The following CHST9 variants were observed in gnomAD, a reference collection of about 807,000 sequenced individuals.
CHST9 encodes carbohydrate sulfotransferase 9.
Under a neutral mutation model 44.4 loss-of-function variants are expected in CHST9, and 41 were observed. The observed-to-expected ratio is 0.92, with a 90% CI of 0.72 to 1.20. The LOEUF (loss-of-function observed/expected upper bound fraction) is 1.20, where lower values mean the gene tolerates loss of function less well. CHST9 is among the 50% of genes most tolerant of loss of function. The pLI is 0.00. For synonymous variants in CHST9, 171 were observed against 178.4 expected, an observed-to-expected ratio of 0.96 and a Z score of 0.33; for missense variants, 504 against 516.5, an observed-to-expected ratio of 0.98 and a Z score of 0.23.
At chr18:27,070,807 C>G (rs889269539) in intron 2 of CHST9, among the ~76,000 whole-genome samples, 1 of 152,226 alleles carries the variant, frequency 6.6e-6, no homozygotes, top group Non-Finnish European at 1.5e-5. Context: ...TATTCACACC[C>G]TTATCCTACT....
chr18:27,174,356 G>C (rs952848595), intron 1 of CHST9, among the ~76,000 whole-genome samples: 2 of 151,756 alleles, frequency 1.3e-5, no homozygotes, highest in African/African-American at 4.8e-5. Flanking sequence ...TTGTTTCCTC[G>C]TGATTAGACT....
chr18:27,084,756 G>C (rs1247739041), intron 2 of CHST9, among the ~76,000 whole-genome samples: 1 of 151,784 alleles, frequency 6.6e-6, no homozygotes, highest in Admixed American at 6.6e-5. Context: ...TTGTTAATTT[G>C]AGACCTTTCT....
chr18:26,988,644 A>C (rs996876680), intron 4 of CHST9, among the ~76,000 whole-genome samples: 6 of 152,178 alleles, frequency 3.9e-5, no homozygotes, highest in Non-Finnish European at 8.8e-5. Context: ...GAATAGACAG[A>C]TACTCATCAA....
At chr18:27,166,324 C>T (rs9965371) in intron 1 of CHST9, among the ~76,000 whole-genome samples, 133,031 of 152,234 alleles carry the variant, frequency 0.87, 58,341 homozygotes, top group Middle Eastern at 0.95. Flanking sequence ...TAGCTGTTGA[C>T]CACCTCGTTA....
chr18:27,152,787 G>A (rs73406636), intron 1 of CHST9, among the ~76,000 whole-genome samples: 2,620 of 152,080 alleles, frequency 0.017, 63 homozygotes, highest in African/African-American at 0.058. Flanking sequence ...GGAGTCCTGG[G>A]ATTTTTCTGC....
At chr18:26,985,342 T>G (rs547062648) in intron 4 of CHST9, among the ~76,000 whole-genome samples, 14 of 152,220 alleles carry the variant, frequency 9.2e-5, no homozygotes, top group Non-Finnish European at 2.1e-4. Flanking sequence ...CCAAATTTAT[T>G]CTCTTGCCAA....
At position 27,173,228 on chromosome 18, in the gene CHST9, T is replaced by C. The variant is rs183489054; in HGVS notation, c.-97+11908A>G. ...TTTGATAATTGTATACCTGTGTTAT[T>C]AGGCTGTAAGTATCTGCTTCTAATA... On this transcript the variant is annotated intron_variant, in intron 1 of 5. Transcript: ENST00000618847. Among the ~76,000 whole-genome samples the C allele has an allele frequency of 1.5e-3, 224 of 152,232 alleles. 1 individual carries two copies. The highest frequency in any genetic ancestry group is 5.1e-3 in the African/African-American group (211 of 41,568).
intron 5 of CHST9, chr18:26,936,563 A>T (rs1335531635): frequency 6.6e-6 from 1 of 152,138 alleles, no homozygotes; most frequent in Non-Finnish European, 1.5e-5. Flanking sequence ...GGCTCTACTA[A>T]ATTGTGCTTT....
At chr18:26,956,602 T>G (rs1189787206) in intron 4 of CHST9, among the ~76,000 whole-genome samples, 1 of 151,818 alleles carries the variant, frequency 6.6e-6, no homozygotes, top group Non-Finnish European at 1.5e-5. Context: ...CTGGTGGAGA[T>G]GACAATATTC....
chr18:27,125,675 G>A (rs1048967277), intron 2 of CHST9, among the ~76,000 whole-genome samples: 1 of 152,210 alleles, frequency 6.6e-6, no homozygotes, highest in African/African-American at 2.4e-5. Flanking sequence ...TGGGAAAGAA[G>A]AAAATGGCAT....
intron 3 of CHST9, among the ~76,000 whole-genome samples, chr18:27,047,452 A>T (rs2057516750): frequency 6.7e-6 from 1 of 150,264 alleles, no homozygotes; most frequent in Admixed American, 6.6e-5. Context: ...GTTCCCAGAG[A>T]ATGCAAACAA....
Position 26,917,093 on chromosome 18 carries a change from A to T in CHST9, c.498T>A (p.Asn166Lys). Residue 166 changes from asparagine to lysine, a missense_variant, in exon 6 of 6, where the codon AAT becomes AAA. Transcript: ENST00000618847. ...HPLNKSLVKD[N>K]KWKKTEETQE... ...GGGTCTCCTCAGTTTTCTTCCATTT[A>T]TTATCTTTGACTAAACTTTTGTTTA... 2 of 1,613,888 alleles carry T rather than the reference A, an allele frequency of 1.2e-6. No homozygotes were observed. The highest frequency in any genetic ancestry group is 1.7e-6 in the Non-Finnish European group (2 of 1,179,864).
intron 1 of CHST9, among the ~76,000 whole-genome samples, chr18:27,160,784 C>T (rs1392912706): frequency 1.3e-5 from 2 of 152,106 alleles, no homozygotes. Flanking sequence ...GCCTCAATTT[C>T]AGAGCCTGTT....
intron 3 of CHST9, among the ~76,000 whole-genome samples, chr18:27,036,558 G>T (rs1296294249): frequency 1.3e-5 from 2 of 152,214 alleles, no homozygotes; most frequent in East Asian, 1.9e-4. Flanking sequence ...AAGTTGAAAA[G>T]CTTCATTTCT....
At chr18:27,152,221 GTGAT>G (rs1464281865) in intron 1 of CHST9, among the ~76,000 whole-genome samples, 1 of 152,068 alleles carries the variant, frequency 6.6e-6, no homozygotes, top group Non-Finnish European at 1.5e-5. Flanking sequence ...TTTAGCTGTT[GTGAT>G]TAAGACTTAA....
intron 4 of CHST9, among the ~76,000 whole-genome samples, chr18:26,978,995 T>C (rs973367672): frequency 2.6e-5 from 4 of 152,032 alleles, no homozygotes; most frequent in African/African-American, 9.7e-5. Flanking sequence ...GTTTTTGTTG[T>C]TTCCGTTTTT....
chr18:27,089,783 T>A, intron 2 of CHST9, among the ~76,000 whole-genome samples: 1 of 150,240 alleles, frequency 6.7e-6, no homozygotes, highest in Non-Finnish European at 1.5e-5. Flanking sequence ...TTTCTCCACA[T>A]CCTCTGCAGC....
intron 5 of CHST9, among the ~76,000 whole-genome samples, chr18:26,918,040 CT>C (rs958810547): frequency 1.3e-5 from 2 of 152,128 alleles, no homozygotes; most frequent in Non-Finnish European, 2.9e-5. Context: ...TGACGTCCTG[CT>C]CTATAAAACT....
intron 5 of CHST9, among the ~76,000 whole-genome samples, chr18:26,937,722 G>A (rs568376608): frequency 1.3e-5 from 2 of 152,102 alleles, no homozygotes; most frequent in Non-Finnish European, 2.9e-5. Flanking sequence ...TTCCTACTTC[G>A]CAGGGTCACT....
Sources: allele counts gnomAD v4.1 joint callset (sites outside exome capture counted in the v4.1 genomes callset), GRCh38; gene constraint gnomAD v4.1.1; transcripts MANE v1.5; gene names NCBI Gene and HGNC (gene_info 2026-07-23, HGNC 2026-07-21).